Variants in TEX36 observed in about 807,000 individuals in gnomAD.
The protein encoded by TEX36 is testis-expressed protein 36.
In TEX36, 12 loss-of-function variants were observed where a neutral mutation model predicts 13.6. The ratio of observed to expected loss-of-function variants is 0.88; its 90% CI spans 0.56 to 1.43. The LOEUF (loss-of-function observed/expected upper bound fraction) is 1.43, where lower values mean the gene tolerates loss of function less well. Among genes scored for constraint, TEX36 ranks in the 40% most tolerant of loss-of-function variants. The pLI, the probability that TEX36 is intolerant of heterozygous loss-of-function variation, is 0.00. For missense variants in TEX36, 224 were observed against 228.3 expected (o/e 0.98, Z 0.12); for synonymous variants, 93 against 83.0 (o/e 1.12, Z -0.65).
chr10:125,630,545 A>G (rs916604075), intron 3 of TEX36, among the ~76,000 whole-genome samples: 2 of 152,192 alleles, frequency 1.3e-5, no homozygotes, highest in Non-Finnish European at 2.9e-5. Context: ...GGAATTAGAC[A>G]TGGTCACCTC....
chr10:125,626,574 G>GAGCTC (rs1352490677), intron 3 of TEX36, among the ~76,000 whole-genome samples: 21 of 152,306 alleles, frequency 1.4e-4, no homozygotes, highest in East Asian at 1.9e-4. Context: ...TTCCCCTGGA[G>GAGCTC]AGCTCACAGT....
At chr10:125,678,196 A>C (rs1847340163) in intron 1 of TEX36, among the ~76,000 whole-genome samples, 1 of 152,178 alleles carries the variant, frequency 6.6e-6, no homozygotes, top group Non-Finnish European at 1.5e-5. Context: ...TTTCCTGAAG[A>C]TGTTTCCATG....
At chr10:125,664,294 T>A (rs1284282618) in intron 1 of TEX36, among the ~76,000 whole-genome samples, 1 of 152,226 alleles carries the variant, frequency 6.6e-6, no homozygotes, top group African/African-American at 2.4e-5. Flanking sequence ...AGTGCTGCAA[T>A]AAACATGGGA....
intron 3 of TEX36, among the ~76,000 whole-genome samples, chr10:125,587,194 TACAAGA>T (rs1845964609): frequency 6.6e-6 from 1 of 152,090 alleles, no homozygotes; most frequent in Non-Finnish European, 1.5e-5. Flanking sequence ...TTTACAGCAG[TACAAGA>T]ACAAATTCAC....
downstream of TEX36, among the ~76,000 whole-genome samples, chr10:125,620,159 C>T (rs1846412060): frequency 6.6e-6 from 1 of 152,132 alleles, no homozygotes. Flanking sequence ...GGGTCAAAAG[C>T]TATGAACATT....
chr10:125,649,732 G>T (rs1399606053), intron 3 of TEX36, among the ~76,000 whole-genome samples: 2 of 152,162 alleles, frequency 1.3e-5, no homozygotes, highest in African/African-American at 4.8e-5. Flanking sequence ...AGCCATCAGT[G>T]TGCTGTATTC....
chr10:125,580,760 G>A (rs192873578), intron 3 of TEX36, among the ~76,000 whole-genome samples: 1 of 152,208 alleles, frequency 6.6e-6, no homozygotes, highest in Admixed American at 6.5e-5. Context: ...CCAGGGGTAG[G>A]GAAATGACCC....
At chr10:125,645,218 C>T (rs757919909) in intron 3 of TEX36, among the ~76,000 whole-genome samples, 22 of 152,146 alleles carry the variant, frequency 1.4e-4, no homozygotes, top group Admixed American at 2.6e-4. Flanking sequence ...TTACACAGTA[C>T]TATAGTTTTA....
intron 1 of TEX36, among the ~76,000 whole-genome samples, chr10:125,681,849 C>T (rs1470623732): frequency 6.6e-6 from 1 of 152,192 alleles, no homozygotes; most frequent in Non-Finnish European, 1.5e-5. Flanking sequence ...GTCTTCTACC[C>T]TTGGTACATT....
chr10:125,631,095 C>T (rs889530699), intron 3 of TEX36, among the ~76,000 whole-genome samples: 1 of 152,198 alleles, frequency 6.6e-6, no homozygotes, highest in Non-Finnish European at 1.5e-5. Context: ...TCTTCAATCT[C>T]ACCAGTAACC....
At position 125,667,960 on chromosome 10, in the gene TEX36, G is replaced by A. The variant is rs540034032; in HGVS notation, c.52-5983C>T. On this transcript the variant is annotated intron_variant, in intron 1 of 3. Coordinates refer to ENST00000368821, the MANE Select transcript of TEX36 (RefSeq NM_001128202.3). ...GATATCGGTAGGGCATGGTGCTGGTGGTGGCAAGTTCCAGTGCTTCAAAGG... is the reference window on the plus strand; with the variant it reads ...GATATCGGTAGGGCATGGTGCTGGTAGTGGCAAGTTCCAGTGCTTCAAAGG... 1.7e-3 allele frequency: 1,639 copies of A among 952,898 alleles called. 4 individuals are homozygous for A. Among genetic ancestry groups the A allele is most frequent in the Non-Finnish European group, 2.6e-3 (1,520 of 582,756 alleles). 59.0% of individuals were successfully genotyped at this position (952,898 alleles called of 1,614,324 possible). A position where few individuals can be genotyped will look rare whatever the true frequency, so the allele number is the denominator to read the frequency against.
chr10:125,670,600 C>T lies in TEX36; in HGVS notation c.52-8623G>A, dbSNP rs189175734. On this transcript the variant is annotated intron_variant, in intron 1 of 3. Transcript: ENST00000368821. ...AGAAGCTCTTTAGTTTAATTAGATA[C>T]AATTTGTCAATTTCTGCTTTTGTTG... is the stretch of plus-strand genomic sequence containing the variant. Among the ~76,000 whole-genome samples the T allele has an allele frequency of 2.8e-4, 42 of 152,278 alleles. 1 individual carries two copies. Among genetic ancestry groups the T allele is most frequent in the Admixed American group, 2.3e-3 (35 of 15,294 alleles).
At chr10:125,666,442 C>T (rs72631150) in intron 1 of TEX36, among the ~76,000 whole-genome samples, 11,317 of 152,068 alleles carry the variant, frequency 0.074, 1,083 homozygotes, top group African/African-American at 0.22. Context: ...TTTTTCTGTG[C>T]CTATTGAGAT....
chr10:125,616,161 G>T (rs1349548767), intron 3 of TEX36, among the ~76,000 whole-genome samples: 1 of 152,058 alleles, frequency 6.6e-6, no homozygotes, highest in African/African-American at 2.4e-5. Context: ...GAGTCTATTT[G>T]ATTCTTCTCT....
rs765623757 is a variant in TEX36 at position 125,682,924 on chromosome 10, C to G, written c.51+15G>C. The G allele has an allele frequency of 1.3e-5, 20 of 1,551,616 alleles. No individual in the cohort carries two copies. The highest frequency in any genetic ancestry group is 2.0e-5 in the Admixed American group (1 of 50,992). ...GTGGCATGAGAAAGGCACCAGGGGCCACCATCTTCCTTACCCATCTCCCAT... is the reference window on the plus strand; with the variant it reads ...GTGGCATGAGAAAGGCACCAGGGGCGACCATCTTCCTTACCCATCTCCCAT... On this transcript the variant is annotated intron_variant, in intron 1 of 3. Transcript: ENST00000368821.
chr10:125,652,698 C>CA (rs1846878391), downstream of TEX36, among the ~76,000 whole-genome samples: 1 of 152,168 alleles, frequency 6.6e-6, no homozygotes, highest in Non-Finnish European at 1.5e-5. Flanking sequence ...AGTGAACAGG[C>CA]AACCTACAGA....
At chr10:125,621,294 A>AT (rs1219403183), downstream of TEX36, among the ~76,000 whole-genome samples, 1 of 151,792 alleles carries the variant, frequency 6.6e-6, no homozygotes, top group African/African-American at 2.4e-5. Context: ...CAGTCACACC[A>AT]TTTTACATTC....
downstream of TEX36, among the ~76,000 whole-genome samples, chr10:125,652,014 C>T (rs919910526): frequency 1.8e-4 from 28 of 152,202 alleles, no homozygotes; most frequent in African/African-American, 6.3e-4. Context: ...AATGGAAGAA[C>T]ATTCCATGCT....
intron 1 of TEX36, chr10:125,667,648 C>A: frequency 2.8e-6 from 2 of 720,656 alleles, no homozygotes; most frequent in East Asian, 2.5e-5. Flanking sequence ...CAACACCACC[C>A]TTGGACATGA....
Sources: allele counts gnomAD v4.1 joint callset (sites outside exome capture counted in the v4.1 genomes callset), GRCh38; gene constraint gnomAD v4.1.1; transcripts MANE v1.5; gene names NCBI Gene and HGNC (gene_info 2026-07-23, HGNC 2026-07-21).